RPSA2: variants seen among roughly 807,000 people sequenced by gnomAD.
RPSA2 encodes the protein small ribosomal subunit protein uS2B.
At chr19:23,857,459 T>G in the RPSA2 span, among the ~76,000 whole-genome samples, 4 of 150,858 alleles carry the variant, frequency 2.7e-5, no homozygotes, top group Non-Finnish European at 5.9e-5. Flanking sequence ...TTCTTTAAAA[T>G]CTATATTTTG....
chr19:23,810,279 A>T, the RPSA2 span, among the ~76,000 whole-genome samples: 1 of 151,936 alleles, frequency 6.6e-6, no homozygotes, highest in Admixed American at 6.6e-5. Context: ...CTGTAGTCCC[A>T]GCTACTCGGG....
the RPSA2 span, among the ~76,000 whole-genome samples, chr19:23,792,608 A>G: frequency 6.9e-6 from 1 of 144,432 alleles, no homozygotes; most frequent in Admixed American, 7.1e-5. Flanking sequence ...TTTTTGTGAC[A>G]GAGTCTAGCT....
chr19:23,798,763 C>T, the RPSA2 span, among the ~76,000 whole-genome samples: 7 of 152,130 alleles, frequency 4.6e-5, no homozygotes, highest in African/African-American at 1.7e-4. Context: ...TATAAGTAAG[C>T]ATAATTTCAA....
chr19:23,819,887 A>C, the RPSA2 span, among the ~76,000 whole-genome samples: 778 of 152,160 alleles, frequency 5.1e-3, 5 homozygotes, highest in Non-Finnish European at 4.4e-3. Context: ...TGTAACTTCC[A>C]CTTTATTTTC....
At chr19:23,850,745 A>T in the RPSA2 span, among the ~76,000 whole-genome samples, 4 of 151,574 alleles carry the variant, frequency 2.6e-5, no homozygotes, top group Non-Finnish European at 5.9e-5. Flanking sequence ...TTTAGGGAGA[A>T]TTTTTTTTGC....
the RPSA2 span, among the ~76,000 whole-genome samples, chr19:23,855,549 G>A: frequency 2.2e-4 from 33 of 152,174 alleles, no homozygotes; most frequent in African/African-American, 3.9e-4. Flanking sequence ...CATAATAAGC[G>A]TTGGGTGGAA....
chr19:23,806,494 T>C, the RPSA2 span, among the ~76,000 whole-genome samples: 1 of 152,022 alleles, frequency 6.6e-6, no homozygotes, highest in Admixed American at 6.6e-5. Flanking sequence ...CAAAAAGTTC[T>C]GAGAAAAGTG....
the RPSA2 span, among the ~76,000 whole-genome samples, chr19:23,786,052 C>T: frequency 6.6e-6 from 1 of 152,170 alleles, no homozygotes; most frequent in Admixed American, 6.6e-5. Context: ...CATATGTGAA[C>T]ATCCAGCCAG....
chr19:23,862,062 G>C, the RPSA2 span, among the ~76,000 whole-genome samples: 2 of 152,126 alleles, frequency 1.3e-5, no homozygotes, highest in African/African-American at 2.4e-5. Context: ...TTGAGCAGTG[G>C]TTTGTAGTTC....
At chr19:23,857,583 C>T in the RPSA2 span, among the ~76,000 whole-genome samples, 2 of 147,434 alleles carry the variant, frequency 1.4e-5, no homozygotes, top group African/African-American at 5.0e-5. Context: ...CTCCACCTTC[C>T]AATTTGAAGA....
the RPSA2 span, among the ~76,000 whole-genome samples, chr19:23,866,776 C>A: frequency 2.0e-5 from 3 of 152,188 alleles, no homozygotes; most frequent in East Asian, 5.8e-4. Flanking sequence ...ATTAGATATC[C>A]CCACCAGAGA....
At chr19:23,845,558 C>G in the RPSA2 span, among the ~76,000 whole-genome samples, 2 of 152,336 alleles carry the variant, frequency 1.3e-5, no homozygotes, top group Middle Eastern at 3.4e-3. Context: ...GTGGAACAAT[C>G]TTGGCTCACT....
chr19:23,861,769 G>A, the RPSA2 span, among the ~76,000 whole-genome samples: 1 of 152,124 alleles, frequency 6.6e-6, no homozygotes, highest in Non-Finnish European at 1.5e-5. Context: ...GCTAAAATGA[G>A]CTGTTGAATA....
At chr19:23,850,529 TG>T in the RPSA2 span, among the ~76,000 whole-genome samples, 1,326 of 149,654 alleles carry the variant, frequency 8.9e-3, 12 homozygotes, top group Non-Finnish European at 0.013. Context: ...TCACCAGGTA[TG>T]AGGGTGGTCT....
the RPSA2 span, among the ~76,000 whole-genome samples, chr19:23,772,693 A>G: frequency 6.6e-6 from 1 of 152,096 alleles, no homozygotes; most frequent in Non-Finnish European, 1.5e-5. Flanking sequence ...TAGGATTATC[A>G]CCTTCACACA....
At chr19:23,763,593 C>G in the RPSA2 span, among the ~76,000 whole-genome samples, 67 of 152,252 alleles carry the variant, frequency 4.4e-4, no homozygotes, top group Middle Eastern at 3.4e-3. Context: ...CTCCGCCTCC[C>G]GAGAAGCTGG....
the RPSA2 span, among the ~76,000 whole-genome samples, chr19:23,776,121 A>G: frequency 2.2e-4 from 33 of 152,286 alleles, no homozygotes; most frequent in Non-Finnish European, 4.1e-4. Context: ...GTCTCCTCTC[A>G]TGCCTTGCTG....
chr19:23,822,398 C>T, the RPSA2 span, among the ~76,000 whole-genome samples: 4 of 152,156 alleles, frequency 2.6e-5, no homozygotes, highest in African/African-American at 7.2e-5. Flanking sequence ...TGTTAAACAG[C>T]GTTAGGAGGA....
chr19:23,835,186 C>A, the RPSA2 span, among the ~76,000 whole-genome samples: 1 of 145,182 alleles, frequency 6.9e-6, no homozygotes, highest in Non-Finnish European at 1.5e-5. Flanking sequence ...ATTTCTGAGT[C>A]CTTAATAAAT....
Sources: gnomAD v4.1 joint callset for allele counts (sites outside exome capture counted in the v4.1 genomes callset) on GRCh38, gnomAD v4.1.1 for gene constraint, MANE v1.5 for transcripts, NCBI Gene and HGNC (gene_info 2026-07-23, HGNC 2026-07-21) for gene names.